Variants in CNIH3 observed in about 807,000 individuals in gnomAD.
The protein encoded by CNIH3 is protein cornichon homolog 3.
Under a neutral mutation model 24.1 loss-of-function variants are expected in CNIH3, and 14 were observed. The ratio of observed to expected loss-of-function variants is 0.58; its 90% confidence interval spans 0.38 to 0.91. The LOEUF is 0.91. CNIH3 is among the 40% of genes least tolerant of loss of function. The probability of loss-of-function intolerance (pLI) is 0.00; values close to 1 mark genes in which losing one functional copy is unlikely to be tolerated. For synonymous variants in CNIH3, 68 were observed against 73.8 expected (o/e 0.92, Z 0.40); for missense variants, 178 against 196.8 (o/e 0.90, Z 0.57).
intron 2 of CNIH3, among the ~76,000 whole-genome samples, chr1:224,536,087 C>G (rs1679270367): frequency 6.6e-6 from 1 of 152,070 alleles, no homozygotes; most frequent in East Asian, 1.9e-4. Flanking sequence ...GGGTCCCCAG[C>G]AGGGATGAGG....
At chr1:224,715,961 C>A (rs1232185738) in intron 3 of CNIH3, among the ~76,000 whole-genome samples, 1 of 152,172 alleles carries the variant, frequency 6.6e-6, no homozygotes, top group African/African-American at 2.4e-5. Flanking sequence ...TTTTCTTTCA[C>A]CCCTAAAAAT....
At chr1:224,603,174 CT>C (rs11291881) in intron 3 of CNIH3, among the ~76,000 whole-genome samples, 61,940 of 151,984 alleles carry the variant, frequency 0.41, 13,174 homozygotes, top group East Asian at 0.59. Flanking sequence ...ATGTATTTGT[CT>C]TTGCATTCAG....
chr1:224,475,751 G>A (rs1222010814), intron 1 of CNIH3, among the ~76,000 whole-genome samples: 2 of 152,130 alleles, frequency 1.3e-5, no homozygotes, highest in Admixed American at 6.5e-5. Flanking sequence ...TATGCACTAT[G>A]AGGCCAGTAT....
At chr1:224,538,691 T>A (rs756317195), downstream of CNIH3, among the ~76,000 whole-genome samples, 45 of 151,402 alleles carry the variant, frequency 3.0e-4, no homozygotes, top group Non-Finnish European at 4.7e-4. Flanking sequence ...GACAGGGTCT[T>A]GCGTGTTGCC....
chr1:224,670,891 C>T (rs1252676853), intron 1 of CNIH3, among the ~76,000 whole-genome samples: 1 of 152,218 alleles, frequency 6.6e-6, no homozygotes, highest in Non-Finnish European at 1.5e-5. Flanking sequence ...AAACGTTATT[C>T]TGGATGTTTC....
chr1:224,610,794 G>C (rs555877212), intron 3 of CNIH3, among the ~76,000 whole-genome samples: 8 of 152,326 alleles, frequency 5.3e-5, no homozygotes, highest in Non-Finnish European at 2.9e-5. Context: ...GGAACATTCA[G>C]ACTTACTTAC....
intron 3 of CNIH3, chr1:224,719,004 C>T (rs569788617): frequency 1.3e-5 from 2 of 152,296 alleles, no homozygotes; most frequent in East Asian, 1.9e-4. Flanking sequence ...CTCCCATCAG[C>T]CTGGGGGTGC....
Position 224,684,308 on chromosome 1 carries a change from G to C in CNIH3, c.151-488G>C, listed in dbSNP as rs1177068644. 1.3e-5 allele frequency among the ~76,000 whole-genome samples: 2 copies of C among 152,222 alleles called. No individual in the cohort carries two copies. The highest frequency in any genetic ancestry group is 2.9e-5 in the Non-Finnish European group (2 of 68,050). On this transcript the variant is annotated intron_variant, in intron 2 of 5. Coordinates refer to ENST00000272133, the MANE Select transcript of CNIH3 (RefSeq NM_152495.2). The surrounding 1 kb of genome is among the most constrained non-coding windows in gnomAD (Gnocchi z 4.2). ...TTAGTAGGGAGATTACTTCCTCCAA[G>C]TAGACTCACTTTAGAAAAATAAAAC...
At chr1:224,718,252 AG>A (rs142178012) in intron 3 of CNIH3, among the ~76,000 whole-genome samples, 3,666 of 152,202 alleles carry the variant, frequency 0.024, 79 homozygotes, top group East Asian at 0.13. Context: ...GACCTTGAGT[AG>A]GTTCTTGAGT....
At chr1:224,686,214 T>A (rs1210932464) in intron 3 of CNIH3, among the ~76,000 whole-genome samples, 5 of 142,420 alleles carry the variant, frequency 3.5e-5, no homozygotes, top group Admixed American at 7.4e-5. Context: ...TGTCTAAGTG[T>A]TCTCATTGTT....
intron 3 of CNIH3, among the ~76,000 whole-genome samples, chr1:224,558,025 C>T (rs530109579): frequency 6.6e-6 from 1 of 152,332 alleles, no homozygotes; most frequent in Admixed American, 6.5e-5. Context: ...AATTTAGTGA[C>T]TTCAAACAAC....
intron 3 of CNIH3, chr1:224,565,221 G>T (rs535312784): frequency 1.3e-5 from 2 of 152,196 alleles, no homozygotes; most frequent in Admixed American, 1.3e-4. Flanking sequence ...GGTTTTTCTT[G>T]CAAAAAGTCT....
intron 4 of CNIH3, among the ~76,000 whole-genome samples, chr1:224,569,565 A>G (rs1272218660): frequency 6.6e-6 from 1 of 152,170 alleles, no homozygotes; most frequent in Non-Finnish European, 1.5e-5. Context: ...GCTGGATTAC[A>G]GGACACATGC....
chr1:224,572,625 A>G (rs1388328859), intron 4 of CNIH3, among the ~76,000 whole-genome samples: 2 of 150,304 alleles, frequency 1.3e-5, no homozygotes, highest in African/African-American at 4.9e-5. Context: ...GAATTTTAGG[A>G]TAGGGTTTTT....
rs1035868701 is a variant in CNIH3 at position 224,458,511 on chromosome 1, G to A, written n.203+23649G>A. Among the ~76,000 whole-genome samples the A allele has an allele frequency of 6.6e-6, 1 of 152,184 alleles. No individual in the cohort carries two copies. The highest frequency in any genetic ancestry group is 2.1e-4 in the South Asian group (1 of 4,824). ...ATTGTGGCCTGCGGTTGGTGGGCAG[G>A]AGAGCCTGGTCTGATGACAGCAACC... On this transcript the variant is annotated intron_variant and non_coding_transcript_variant, in intron 1 of 5. Transcript: ENST00000471578. This position sits in a 1 kb window ranked among gnomAD's most constrained non-coding sequence, Gnocchi z 4.3.
rs1333071914 is a variant in CNIH3, at chr1:224,550,257, G to A, written n.450+3318G>A. On this transcript the variant is annotated intron_variant and non_coding_transcript_variant, in intron 3 of 5. Transcript: ENST00000471578. ...ACTAGATTTTATAGAAAATAGGTGC[G>A]ATGATATTTCATTAATATCACAGTG... 2.0e-5 allele frequency among the ~76,000 whole-genome samples: 3 copies of A among 152,048 alleles called. No homozygotes were observed. In the East Asian group the frequency reaches 5.8e-4, roughly 29 times the overall value.
chr1:224,640,421 A>G (rs1265829256), intron 1 of CNIH3, among the ~76,000 whole-genome samples: 1 of 152,198 alleles, frequency 6.6e-6, no homozygotes, highest in Non-Finnish European at 1.5e-5. Flanking sequence ...CTGAGAGGCA[A>G]TTTGAAGCAA....
intron 1 of CNIH3, among the ~76,000 whole-genome samples, chr1:224,516,401 C>T (rs1404969013): frequency 6.6e-6 from 1 of 151,686 alleles, no homozygotes; most frequent in East Asian, 1.9e-4. Context: ...TTGCTGACTT[C>T]CTAGTCAACT....
chr1:224,728,775 A>T (rs1572827716), intron 3 of CNIH3, among the ~76,000 whole-genome samples: 1 of 152,228 alleles, frequency 6.6e-6, no homozygotes, highest in South Asian at 2.1e-4. Context: ...TTGTAACCAC[A>T]GGCTGCATAT....
Sources: gnomAD v4.1 joint callset for allele counts (sites outside exome capture counted in the v4.1 genomes callset) on GRCh38, gnomAD v4.1.1 for gene constraint, Gnocchi (gnomAD v3.1) non-coding constraint, MANE v1.5 for transcripts, NCBI Gene and HGNC (gene_info 2026-07-23, HGNC 2026-07-21) for gene names.